TRHDE: variants seen among roughly 807,000 people sequenced by gnomAD.
TRHDE encodes thyrotropin releasing hormone degrading enzyme.
TRHDE carries 72 observed loss-of-function variants against 125.7 expected under a neutral mutation model. That is an observed-to-expected ratio of 0.57 (90% CI 0.47 to 0.70). TRHDE has a LOEUF of 0.70. TRHDE is among the 30% of genes least tolerant of loss of function. The probability of loss-of-function intolerance (pLI) is 0.00; values close to 1 mark genes in which losing one functional copy is unlikely to be tolerated. For missense variants in TRHDE, 1,110 were observed against 1,327.1 expected (o/e 0.84, Z 2.54); for synonymous variants, 509 against 509.1 (o/e 1.00, Z 0.00).
intron 2 of TRHDE, among the ~76,000 whole-genome samples, chr12:72,240,589 A>G (rs1217335686): frequency 1.3e-5 from 2 of 149,624 alleles, no homozygotes; most frequent in Non-Finnish European, 3.0e-5. Flanking sequence ...TTGTTTTTTG[A>G]GACAGAGTCT....
rs1342603954 is a variant in TRHDE at position 72,273,965 on chromosome 12, C to T, written c.914+408C>T. 2 of 189,130 alleles carry T rather than the reference C, an allele frequency of 1.1e-5. No homozygotes were observed. The highest frequency in any genetic ancestry group is 2.3e-5 in the African/African-American group (1 of 43,112). 11.7% of individuals were successfully genotyped at this position (189,130 alleles called of 1,614,324 possible). On this transcript the variant is annotated intron_variant, in intron 1 of 18. Transcript: ENST00000261180. This position sits in a 1 kb window ranked among gnomAD's most constrained non-coding sequence, Gnocchi z 5.3. The stretch of plus-strand genomic sequence containing the variant: ...GTGGCGCTGAAGGCCAAGACAACAG[C>T]GCATCCAGGTTAGCATGTCAGGGCA...
chr12:72,526,259 G>A (rs1344462561), intron 6 of TRHDE, among the ~76,000 whole-genome samples: 2 of 152,178 alleles, frequency 1.3e-5, no homozygotes, highest in East Asian at 1.9e-4. Flanking sequence ...ATACTCGGGA[G>A]CAAATACATG....
At chr12:72,458,307 C>A (rs1470549245) in intron 3 of TRHDE, among the ~76,000 whole-genome samples, 1 of 152,182 alleles carries the variant, frequency 6.6e-6, no homozygotes. Flanking sequence ...TTCATAGACA[C>A]TGTCAACTCT....
chr12:72,400,564 G>A (rs1872999517), intron 3 of TRHDE, among the ~76,000 whole-genome samples: 1 of 152,080 alleles, frequency 6.6e-6, no homozygotes, highest in African/African-American at 2.4e-5. Context: ...GAGTAGTGAG[G>A]ACTTTGCAGA....
intron 2 of TRHDE, among the ~76,000 whole-genome samples, chr12:72,326,822 T>G (rs916048771): frequency 6.6e-6 from 1 of 152,160 alleles, no homozygotes; most frequent in Non-Finnish European, 1.5e-5. Flanking sequence ...AATTGAGCCT[T>G]ATCAAAACTT....
chr12:72,209,762 T>C (rs1203155167), intron 2 of TRHDE, among the ~76,000 whole-genome samples: 1 of 152,212 alleles, frequency 6.6e-6, no homozygotes, highest in Non-Finnish European at 1.5e-5. Context: ...TACTTTATAC[T>C]CTATTCCAGA....
At chr12:72,502,840 G>A (rs368661466) in intron 6 of TRHDE, among the ~76,000 whole-genome samples, 3 of 152,060 alleles carry the variant, frequency 2.0e-5, no homozygotes, top group South Asian at 2.1e-4. Context: ...TGGCATATCC[G>A]AAAAATAATT....
intron 6 of TRHDE, among the ~76,000 whole-genome samples, chr12:72,501,761 G>A (rs1474639146): frequency 6.6e-6 from 1 of 151,914 alleles, no homozygotes; most frequent in Non-Finnish European, 1.5e-5. Flanking sequence ...TTTATATTAT[G>A]TCTTTCTTGA....
chr12:72,306,725 A>C (rs1358151119), intron 2 of TRHDE: 1 of 152,200 alleles, frequency 6.6e-6, no homozygotes, highest in Non-Finnish European at 1.5e-5. Context: ...TGAAGCTTAC[A>C]TTGTTTCTAT....
chr12:72,549,932 A>G (rs764848423), intron 7 of TRHDE, among the ~76,000 whole-genome samples: 2 of 151,838 alleles, frequency 1.3e-5, no homozygotes, highest in Non-Finnish European at 2.9e-5. Flanking sequence ...ATGTGGCTAT[A>G]TAATATTAAC....
chr12:72,214,639 A>T (rs1162650195), intron 2 of TRHDE, among the ~76,000 whole-genome samples: 5 of 152,216 alleles, frequency 3.3e-5, no homozygotes, highest in Non-Finnish European at 1.5e-5. Context: ...TTATCCCATG[A>T]CAACAATATT....
intron 1 of TRHDE, among the ~76,000 whole-genome samples, chr12:72,285,193 G>A (rs999108465): frequency 2.0e-5 from 3 of 152,056 alleles, no homozygotes; most frequent in South Asian, 2.1e-4. Context: ...GATTCAATAC[G>A]CATGTCAACC....
At chr12:72,373,361 T>C (rs1871705146) in intron 2 of TRHDE, among the ~76,000 whole-genome samples, 1 of 152,158 alleles carries the variant, frequency 6.6e-6, no homozygotes, top group South Asian at 2.1e-4. Flanking sequence ...CTTCCTCTTT[T>C]CCTAATTGAA....
At chr12:72,642,409 T>G (rs762360672) in intron 15 of TRHDE, among the ~76,000 whole-genome samples, 15 of 152,196 alleles carry the variant, frequency 9.9e-5, no homozygotes, top group Non-Finnish European at 1.5e-4. Flanking sequence ...TCAAAAGTGT[T>G]ATCGTACAAA....
rs376942411 is a variant in TRHDE at position 72,403,200 on chromosome 12, A to G, written c.1315+25079A>G. On this transcript the variant is annotated intron_variant, in intron 3 of 18. Coordinates refer to ENST00000261180, the MANE Select transcript of TRHDE (RefSeq NM_013381.3). ...ACACATGATACATAATGTGGCAAGG[A>G]CCGAGATAAAAGCTTGTTTGGTTTG... 7.9e-5 allele frequency among the ~76,000 whole-genome samples: 12 copies of G among 152,302 alleles called. No homozygotes were observed. The East Asian group carries it at 1.4e-3, about 17-fold the overall frequency.
chr12:72,315,134 AG>A (rs1191280426), intron 2 of TRHDE, among the ~76,000 whole-genome samples: 2 of 152,220 alleles, frequency 1.3e-5, no homozygotes, highest in African/African-American at 4.8e-5. Flanking sequence ...TTCAATTTAA[AG>A]GAAAGTGGTA....
intron 12 of TRHDE, among the ~76,000 whole-genome samples, chr12:72,609,976 G>A (rs1388463699): frequency 6.6e-6 from 1 of 152,068 alleles, no homozygotes; most frequent in Non-Finnish European, 1.5e-5. Context: ...CTACCTTTAA[G>A]AGTTGTATTT....
At chr12:72,612,682 A>G (rs1872676754) in intron 12 of TRHDE, among the ~76,000 whole-genome samples, 1 of 152,242 alleles carries the variant, frequency 6.6e-6, no homozygotes, top group African/African-American at 2.4e-5. Flanking sequence ...CCGTCTTTTC[A>G]TAACATCATA....
At chr12:72,604,362 A>AT (rs1366744334) in intron 12 of TRHDE, among the ~76,000 whole-genome samples, 1 of 152,066 alleles carries the variant, frequency 6.6e-6, no homozygotes, top group Non-Finnish European at 1.5e-5. Flanking sequence ...AGTTTCTGTC[A>AT]TTTTATCTAA....
Sources: allele counts gnomAD v4.1 joint callset (sites outside exome capture counted in the v4.1 genomes callset), GRCh38; gene constraint gnomAD v4.1.1; non-coding constraint Gnocchi (gnomAD v3.1); transcripts MANE v1.5; gene names NCBI Gene and HGNC (gene_info 2026-07-23, HGNC 2026-07-21).